Variants in INTS7 observed in about 807,000 individuals in gnomAD.
INTS7 encodes the protein chromosome 1 open reading frame 73.
A neutral mutation model predicts 109.2 loss-of-function variants in INTS7; 46 were observed. The ratio of observed to expected loss-of-function variants is 0.42; its 90% CI spans 0.33 to 0.54. The LOEUF is 0.54. INTS7 is among the 20% of genes least tolerant of loss of function. INTS7 has a pLI of 0.07. For synonymous variants in INTS7, 412 were observed against 402.9 expected (o/e 1.02, Z -0.27); for missense variants, 929 against 1,132.4 (o/e 0.82, Z 2.58).
chr1:212,030,856 A>C lies in INTS7; in HGVS notation c.94+4488T>G, dbSNP rs1013340427. 6 of 152,236 alleles carry C rather than the reference A, an allele frequency of 3.9e-5. No individual in the cohort carries two copies. The East Asian group carries it at 9.6e-4, about 24-fold the overall frequency. The allele number at this position is 152,236 out of a possible 1,614,324, so 9.4% of individuals were successfully genotyped here. On this transcript the variant is annotated intron_variant, in intron 1 of 19. Transcript: ENST00000366994. ...AACATCTGAGCCATATCGATAATGT[A>C]AAAGCAATCTGTGGTCTTTCTTGAC...
intron 16 of INTS7, among the ~76,000 whole-genome samples, chr1:211,958,308 C>G (rs1016695238): frequency 2.0e-5 from 3 of 150,944 alleles, no homozygotes; most frequent in African/African-American, 7.3e-5. Flanking sequence ...ATTTTTTTTT[C>G]CAGGACTTTA....
chr1:212,016,052 G>A (rs1349805733), intron 4 of INTS7, among the ~76,000 whole-genome samples: 2 of 151,912 alleles, frequency 1.3e-5, no homozygotes, highest in African/African-American at 4.8e-5. Flanking sequence ...AAAAACATTG[G>A]TTTTAAGTTG....
At chr1:211,944,265 A>G (rs1040512265) in intron 19 of INTS7, among the ~76,000 whole-genome samples, 1 of 152,102 alleles carries the variant, frequency 6.6e-6, no homozygotes, top group South Asian at 2.1e-4. Flanking sequence ...CTGATGTAAG[A>G]GAGACCTTTC....
intron 16 of INTS7, among the ~76,000 whole-genome samples, chr1:211,958,622 C>A (rs1280905517): frequency 1.7e-4 from 26 of 152,164 alleles, no homozygotes; most frequent in Non-Finnish European, 2.9e-5. Flanking sequence ...CCCTTTCCCT[C>A]TTTCTGGGAT....
At chr1:211,976,464 G>A in intron 12 of INTS7, 118 bp downstream of exon 12, 1 of 868,744 alleles carries the variant, frequency 1.2e-6, no homozygotes, top group East Asian at 2.5e-5. Context: ...CAGAACCCAT[G>A]ACTAAAAGGT....
At chr1:211,957,552 A>G (rs1250236472) in intron 16 of INTS7, among the ~76,000 whole-genome samples, 3 of 152,234 alleles carry the variant, frequency 2.0e-5, no homozygotes, top group Non-Finnish European at 2.9e-5. Flanking sequence ...TCTCAAAAAA[A>G]GAAAGAAAAA....
At chr1:211,991,178 G>A (rs1398635465) in intron 7 of INTS7, among the ~76,000 whole-genome samples, 1 of 152,066 alleles carries the variant, frequency 6.6e-6, no homozygotes, top group Non-Finnish European at 1.5e-5. Context: ...AATTTATGGG[G>A]GATAAACCAA....
Position 211,981,662 on chromosome 1 carries a change from T to C in INTS7, c.1133-472A>G, listed in dbSNP as rs549787652. On this transcript the variant is annotated intron_variant, in intron 9 of 19. Transcript: ENST00000366994. ...TAAGGTCTCCACATAACCTTATTAC[T>C]GTTTTAAGTCTGACCATAAAGAATG... Among the ~76,000 whole-genome samples, 26 of 152,322 alleles carry C rather than the reference T, an allele frequency of 1.7e-4. 1 individual carries two copies. The East Asian group carries it at 4.8e-3, about 28-fold the overall frequency.
chr1:212,007,434 A>G lies in INTS7; in HGVS notation c.572T>C (p.Val191Ala). ...SEMIQGLATP[V>A]DLKLKLIPIL... Reference sequence around the variant, plus strand: ...GGGTATCAATTTTAGCTTCAAGTCTACTGGTGTCGCTAAACCTAGACACAA... The same window carrying G: ...GGGTATCAATTTTAGCTTCAAGTCTGCTGGTGTCGCTAAACCTAGACACAA... Residue 191 changes from valine (V) to alanine (A), a missense_variant, in exon 6 of 20, where the codon GTA (valine) becomes GCA (alanine). Coordinates refer to ENST00000366994, the MANE Select transcript of INTS7 (RefSeq NM_015434.4). The G allele has an allele frequency of 6.2e-7, 1 of 1,612,950 alleles. No homozygotes were observed. The highest frequency in any genetic ancestry group is 8.5e-7 in the Non-Finnish European group (1 of 1,178,960).
At chr1:212,009,061 T>A (rs777347422) in intron 5 of INTS7, among the ~76,000 whole-genome samples, 26 of 152,170 alleles carry the variant, frequency 1.7e-4, no homozygotes, top group Non-Finnish European at 2.8e-4. Flanking sequence ...ACAGGCATCT[T>A]TACTAAAGAT....
rs769072637 is a variant in INTS7, at chr1:212,016,883, T to C, written c.509+3A>G. The C allele has an allele frequency of 6.3e-7, 1 of 1,594,822 alleles. No individual in the cohort carries two copies. The highest frequency in any genetic ancestry group is 1.4e-5 in the African/African-American group (1 of 73,576). ...TAAAAGGGATGTACTTTTGTAAGCT[T>C]ACTTTGACTGTGCAGAGAAGTTTGC... On this transcript the variant is annotated splice_donor_region_variant and intron_variant, in intron 4 of 19. Coordinates refer to ENST00000366994, the MANE Select transcript of INTS7 (RefSeq NM_015434.4).
intron 7 of INTS7, among the ~76,000 whole-genome samples, chr1:211,989,744 C>G (rs1007276945): frequency 3.3e-5 from 5 of 151,540 alleles, no homozygotes; most frequent in African/African-American, 7.3e-5. Flanking sequence ...ATCGCTTGAA[C>G]CCAGGAGACA....
chr1:211,967,146 T>C (rs953703117), intron 15 of INTS7, among the ~76,000 whole-genome samples: 5 of 152,254 alleles, frequency 3.3e-5, no homozygotes, highest in Middle Eastern at 3.4e-3. Flanking sequence ...TAAGAAAATA[T>C]GGAGAACTTA....
At position 211,978,500 on chromosome 1, in the gene INTS7, G is replaced by A. The variant is rs754957379; in HGVS notation, c.1242C>T (p.Asn414=). Residue 414 remains asparagine, a synonymous_variant, in exon 11 of 20, where the codon AAC becomes AAT. Coordinates refer to ENST00000366994, the MANE Select transcript of INTS7 (RefSeq NM_015434.4). ...GAQATLKIAL[N]CMVKLAKGRP... ...TGCCCTTGGCCAACTTCACCATACA[G>A]TTTAGAGCAATCTGCACGCCAAAAA... 1.1e-5 allele frequency: 18 copies of A among 1,614,020 alleles called. No homozygotes were observed. Among genetic ancestry groups the A allele is most frequent in the Admixed American group, 1.7e-5 (1 of 59,990 alleles).
intron 6 of INTS7, 126 bp downstream of exon 6, chr1:212,007,124 T>C (rs1665965710): frequency 1.4e-6 from 1 of 699,634 alleles, no homozygotes; most frequent in Non-Finnish European, 2.4e-6. Flanking sequence ...AGCAAATTAA[T>C]CTGACCTTTA....
At chr1:211,995,423 T>C (rs1173873697) in intron 7 of INTS7, among the ~76,000 whole-genome samples, 2 of 152,134 alleles carry the variant, frequency 1.3e-5, no homozygotes, top group Admixed American at 1.3e-4. Context: ...TCAAAAGAGG[T>C]AAATCTAACT....
rs747174337 is a variant in INTS7 at position 211,976,053 on chromosome 1, GCCT to G, written c.1608+526_1608+528del. Among the ~76,000 whole-genome samples the G allele has an allele frequency of 2.2e-3, 328 of 152,058 alleles. 6 individuals are homozygous for G. The highest frequency in any genetic ancestry group is 3.4e-3 in the Middle Eastern group (1 of 294). ...GGCCTCAAGAGATTTGTCCGCCTTG[GCCT>G]CTCACAAAGTACTGGGATTACATGC... On this transcript the variant is annotated intron_variant, in intron 12 of 19. Coordinates refer to ENST00000366994, the MANE Select transcript of INTS7 (RefSeq NM_015434.4).
chr1:212,035,022 C>T (rs1293647446), intron 1 of INTS7, among the ~76,000 whole-genome samples: 2 of 152,240 alleles, frequency 1.3e-5, no homozygotes, highest in African/African-American at 4.8e-5. Flanking sequence ...ACCAATTTCA[C>T]AATTTCTTTG....
In INTS7 at chr1:211,941,887, T is replaced by C. The variant is rs772149595; in HGVS notation, c.2826A>G (p.Gln942=). Residue 942 remains glutamine (Q), a synonymous_variant, in exon 20 of 20, where the codon CAA becomes CAG. Transcript: ENST00000366994. ...EDPYSQQIRL[Q]QQQAQQPLQQ... is the part of the protein sequence containing the mutation. ...GTAATGGCTGCTGGGCTTGCTGCTG[T>C]TGTAAGCGAATTTGCTGGGAATAAG... 6 of 1,614,250 alleles carry C rather than the reference T, an allele frequency of 3.7e-6. No homozygotes were observed. The highest frequency in any genetic ancestry group is 5.1e-6 in the Non-Finnish European group (6 of 1,180,048).
Sources: gnomAD v4.1 joint callset for allele counts (sites outside exome capture counted in the v4.1 genomes callset) on GRCh38, gnomAD v4.1.1 for gene constraint, MANE v1.5 for transcripts, NCBI Gene and HGNC (gene_info 2026-07-23, HGNC 2026-07-21) for gene names.